EEF1AKMT1: variants seen among roughly 807,000 people sequenced by gnomAD.
The protein encoded by EEF1AKMT1 is N-6 adenine-specific DNA methyltransferase 2 (putative).
EEF1AKMT1 carries 18 observed loss-of-function variants against 21.0 expected under a neutral mutation model. The observed-to-expected ratio is 0.86, with a 90% CI of 0.59 to 1.27. The LOEUF is 1.27. Among genes scored for constraint, EEF1AKMT1 ranks in the 50% most tolerant of loss-of-function variants. The pLI, the probability that EEF1AKMT1 is intolerant of heterozygous loss-of-function variation, is 0.00. For synonymous variants in EEF1AKMT1, 109 were observed against 94.8 expected, an observed-to-expected ratio of 1.15 and a Z score of -0.87; for missense variants, 246 against 258.6, an observed-to-expected ratio of 0.95 and a Z score of 0.33.
chr13:20,767,634 T>G (rs1428030472), intron 1 of EEF1AKMT1, among the ~76,000 whole-genome samples: 1 of 152,150 alleles, frequency 6.6e-6, no homozygotes, highest in Non-Finnish European at 1.5e-5. Context: ...GGTATTTGAT[T>G]ATGATGTGCC....
At chr13:20,738,371 T>A (rs888280385) in intron 2 of EEF1AKMT1, among the ~76,000 whole-genome samples, 4 of 152,248 alleles carry the variant, frequency 2.6e-5, no homozygotes, top group African/African-American at 9.6e-5. Context: ...TGGTGATTTT[T>A]AAAAAATTTC....
intron 1 of EEF1AKMT1, among the ~76,000 whole-genome samples, chr13:20,765,245 G>A (rs8000601): frequency 0.3 from 45,223 of 151,412 alleles, 8,413 homozygotes; most frequent in East Asian, 0.76. Flanking sequence ...AGGCAACAGT[G>A]CAAGACTCCA....
intron 2 of EEF1AKMT1, among the ~76,000 whole-genome samples, chr13:20,752,868 G>A (rs1206590060): frequency 6.6e-6 from 1 of 151,304 alleles, no homozygotes. Flanking sequence ...TAGTTTACTG[G>A]TTTTCCCTAT....
intron 2 of EEF1AKMT1, among the ~76,000 whole-genome samples, chr13:20,755,159 C>T (rs1236467027): frequency 6.6e-6 from 1 of 152,212 alleles, no homozygotes; most frequent in Non-Finnish European, 1.5e-5. Context: ...GATCCTGCTA[C>T]TACTGGCAGT....
intron 3 of EEF1AKMT1, among the ~76,000 whole-genome samples, chr13:20,736,042 A>T (rs762130074): frequency 6.6e-6 from 1 of 152,214 alleles, no homozygotes; most frequent in Non-Finnish European, 1.5e-5. Context: ...AGAAAAAAAA[A>T]GTGGGGAAAG....
intron 2 of EEF1AKMT1, among the ~76,000 whole-genome samples, chr13:20,744,984 C>T (rs1180920794): frequency 1.3e-5 from 2 of 152,138 alleles, no homozygotes; most frequent in Admixed American, 6.5e-5. Flanking sequence ...TGTCAAAGAT[C>T]AGATGGTTGT....
rs371678897 is a variant in EEF1AKMT1, at chr13:20,736,345, AG to A, written c.227+1377del. Among the ~76,000 whole-genome samples, 463 of 152,354 alleles carry A rather than the reference AG, an allele frequency of 3.0e-3. 1 individual carries two copies. The highest frequency in any genetic ancestry group is 0.011 in the African/African-American group (452 of 41,590). The stretch of plus-strand genomic sequence containing the variant: ...AACAAAACCATCACAATCAAGAGGA[AG>A]GGTAGGAAAAAAGCATTTTCAAACA... On this transcript the variant is annotated intron_variant, in intron 3 of 4. Transcript: ENST00000382758.
At chr13:20,746,170 T>C (rs1054932756) in intron 2 of EEF1AKMT1, among the ~76,000 whole-genome samples, 6 of 152,020 alleles carry the variant, frequency 3.9e-5, no homozygotes, top group Non-Finnish European at 7.4e-5. Flanking sequence ...TTTTTTTTTT[T>C]AGACAGAGTC....
At chr13:20,749,153 T>A (rs1390341530) in intron 2 of EEF1AKMT1, among the ~76,000 whole-genome samples, 1 of 152,224 alleles carries the variant, frequency 6.6e-6, no homozygotes, top group Admixed American at 6.5e-5. Flanking sequence ...TTTCCTAGAG[T>A]AAGTAAATGC....
At chr13:20,733,576 T>G (rs1183067187) in intron 3 of EEF1AKMT1, among the ~76,000 whole-genome samples, 1 of 152,178 alleles carries the variant, frequency 6.6e-6, no homozygotes, top group East Asian at 1.9e-4. Flanking sequence ...GCCCTCTCTA[T>G]GCTGATAAGG....
chr13:20,730,343 C>T (rs1372915304), intron 4 of EEF1AKMT1, among the ~76,000 whole-genome samples: 6 of 152,172 alleles, frequency 3.9e-5, no homozygotes, highest in African/African-American at 1.2e-4. Context: ...AACAGCTTCC[C>T]GTGGCTCCAC....
At chr13:20,739,004 G>A (rs2058848533) in intron 2 of EEF1AKMT1, among the ~76,000 whole-genome samples, 1 of 152,186 alleles carries the variant, frequency 6.6e-6, no homozygotes, top group African/African-American at 2.4e-5. Flanking sequence ...TAAAGATAGT[G>A]TGCCCAGAGT....
chr13:20,753,912 T>C (rs2058957096), intron 2 of EEF1AKMT1, among the ~76,000 whole-genome samples: 1 of 152,192 alleles, frequency 6.6e-6, no homozygotes. Flanking sequence ...GAAAGTGTAA[T>C]CCATTTACAT....
At chr13:20,761,144 C>T (rs1459813215) in intron 1 of EEF1AKMT1, among the ~76,000 whole-genome samples, 2 of 152,160 alleles carry the variant, frequency 1.3e-5, no homozygotes, top group Admixed American at 6.5e-5. Flanking sequence ...ATAATGATAT[C>T]ACGTGTAGAT....
At chr13:20,759,110 G>A (rs2058985582) in intron 1 of EEF1AKMT1, among the ~76,000 whole-genome samples, 1 of 152,126 alleles carries the variant, frequency 6.6e-6, no homozygotes, top group South Asian at 2.1e-4. Context: ...CATTGGCTTA[G>A]GCAAAGAATT....
At chr13:20,771,867 C>A (rs1300880114) in intron 1 of EEF1AKMT1, among the ~76,000 whole-genome samples, 4 of 152,004 alleles carry the variant, frequency 2.6e-5, no homozygotes, top group Non-Finnish European at 5.9e-5. Flanking sequence ...AAAAATTACC[C>A]AGGTGTGGTG....
At chr13:20,741,307 C>A (rs2058869278) in intron 2 of EEF1AKMT1, among the ~76,000 whole-genome samples, 1 of 151,970 alleles carries the variant, frequency 6.6e-6, no homozygotes. Flanking sequence ...AGACTCTCAT[C>A]TTTGCTCCAG....
chr13:20,741,544 T>A (rs941155196), intron 2 of EEF1AKMT1, among the ~76,000 whole-genome samples: 2 of 146,714 alleles, frequency 1.4e-5, no homozygotes, highest in Non-Finnish European at 3.0e-5. Flanking sequence ...GCAACCTCCA[T>A]CTCCCGGATT....
chr13:20,757,689 T>G, intron 1 of EEF1AKMT1, 72 bp from the exon 2 acceptor site: 1 of 1,273,794 alleles, frequency 7.9e-7, no homozygotes, highest in South Asian at 1.7e-5. Context: ...TTTTTAAAAA[T>G]TTTTATTTAA....
Sources: allele counts gnomAD v4.1 joint callset (sites outside exome capture counted in the v4.1 genomes callset), GRCh38; gene constraint gnomAD v4.1.1; transcripts MANE v1.5; gene names NCBI Gene and HGNC (gene_info 2026-07-23, HGNC 2026-07-21).